Variants in NUDT22 observed in about 807,000 individuals in gnomAD.
NUDT22 encodes uridine diphosphate glucose pyrophosphatase NUDT22.
A neutral mutation model predicts 28.8 loss-of-function variants in NUDT22; 23 were observed. The observed-to-expected ratio is 0.80, with a 90% CI of 0.58 to 1.13. The LOEUF (loss-of-function observed/expected upper bound fraction) is 1.13, where lower values mean the gene tolerates loss of function less well. NUDT22 is among the 50% of genes most tolerant of loss of function. The pLI is 0.00. For synonymous variants in NUDT22, 175 were observed against 173.7 expected (o/e 1.01, Z -0.06); for missense variants, 358 against 387.3 (o/e 0.92, Z 0.64).
Position 64,226,837 on chromosome 11 carries a change from G to C in NUDT22, c.185G>C (p.Arg62Pro). The change falls in exon 2 of 6, where the codon CGC becomes CCC. Residue 62 changes from arginine to proline, a missense_variant. Arg to Pro is a moderately radical substitution (Grantham distance 103, BLOSUM62 -2). Transcript: ENST00000279206. ...TGGCTCTTCGACGCCCCCAAGTTCC[G>C]CCTGCACTCAGCCACCCTGGCGCCT... ...QPWLFDAPKF[R>P]LHSATLAPIG... 6.2e-7 allele frequency: 1 copy of C among 1,608,896 alleles called. No homozygotes were observed. The highest frequency in any genetic ancestry group is 8.5e-7 in the Non-Finnish European group (1 of 1,179,932).
At chr11:64,227,954 C>T (rs1947090400) in intron 3 of NUDT22, 1 of 335,254 alleles carries the variant, frequency 3.0e-6, no homozygotes, top group Non-Finnish European at 5.6e-6. Flanking sequence ...ACTGCAAGCT[C>T]CACCTCCCGG....
Position 64,226,390 on chromosome 11 carries a change from T to G in NUDT22, c.-56T>G, listed in dbSNP as rs1947019230. ...GGCAGACCCCTGGGTTTGGGGGACA[T>G]GGGCATTTGGGGCGCCTGAACCCAA... On this transcript the variant is annotated 5_prime_UTR_variant, in exon 1 of 6. An upstream start codon of the reference 5' UTR is lost. Transcript: ENST00000279206. 7.7e-7 allele frequency: 1 copy of G among 1,304,044 alleles called. No homozygotes were observed. The highest frequency in any genetic ancestry group is 3.7e-5 in the Admixed American group (1 of 26,938). 80.8% of individuals were successfully genotyped at this position (1,304,044 alleles called of 1,614,324 possible). A position where few individuals can be genotyped will look rare whatever the true frequency, so the allele number is the denominator to read the frequency against.
chr11:64,228,036 A>AT (rs529927601), intron 3 of NUDT22: 185 of 214,788 alleles, frequency 8.6e-4, no homozygotes, highest in South Asian at 8.5e-3. Flanking sequence ...TGCCTGGCTA[A>AT]TTTTTTTTGT....
chr11:64,226,501 C>A, intron 1 of NUDT22, 74 bp downstream of exon 1: 1 of 1,470,486 alleles, frequency 6.8e-7, no homozygotes, highest in South Asian at 1.4e-5. Context: ...CGTTTTACTG[C>A]CCAAGGAGTG....
chr11:64,229,925 A>C lies in NUDT22; in HGVS notation c.847A>C (p.Asn283His). ...PSAKGAIILY[N>H]RVQGSPTGAA... ...GGCCAAAGGCGCCATCATCCTCTAC[A>C]ACCGGGTTCAGGGAAGTCCCACTGG... The change falls in exon 6 of 6, where the codon AAC becomes CAC. Residue 283 changes from asparagine (N) to histidine (H), a missense_variant. Coordinates refer to ENST00000279206, the MANE Select transcript of NUDT22 (RefSeq NM_032344.4). The C allele has an allele frequency of 1.9e-6, 3 of 1,613,138 alleles. No homozygotes were observed. The highest frequency in any genetic ancestry group is 2.5e-6 in the Non-Finnish European group (3 of 1,179,970).
In NUDT22 at chr11:64,229,575, C is replaced by T; in HGVS notation, c.771+4C>T. ...AATCTTCTTTGTGGAGACACAGGTG[C>T]AGAGTGACAAACCATCTTGCTTGGA... On this transcript the variant is annotated splice_donor_region_variant and intron_variant, in intron 5 of 5. Coordinates refer to ENST00000279206, the MANE Select transcript of NUDT22 (RefSeq NM_032344.4). 6.2e-7 allele frequency: 1 copy of T among 1,613,334 alleles called. No homozygotes were observed. The highest frequency in any genetic ancestry group is 8.5e-7 in the Non-Finnish European group (1 of 1,179,288).
Position 64,226,425 on chromosome 11 carries a change from A to T in NUDT22, c.-21A>T. 2.9e-6 allele frequency: 4 copies of T among 1,376,320 alleles called. No homozygotes were observed. The highest frequency in any genetic ancestry group is 3.7e-6 in the Non-Finnish European group (4 of 1,071,640). The allele number at this position is 1,376,320 out of a possible 1,614,324, so 85.3% of individuals were successfully genotyped here. ...GGGCGCCTGAACCCAAGACCTCTGG[A>T]TGGTAGGGATGCCCGGGCGTCCTGG... On this transcript the variant is annotated splice_region_variant and 5_prime_UTR_variant, in exon 1 of 6. It removes an upstream start codon present in the reference 5' UTR. Transcript: ENST00000279206.
chr11:64,227,035 C>A lies in NUDT22; in HGVS notation c.383C>A (p.Ala128Asp), dbSNP rs1299791530. The A allele has an allele frequency of 1.9e-6, 3 of 1,603,492 alleles. No homozygotes were observed. The highest frequency in any genetic ancestry group is 2.7e-5 in the African/African-American group (2 of 74,922). ...CCACTGGGGGTGGGCGCTGCACTAG[C>A]CACAGCCGATGACTTCCTTGTCTTC... ...ADPLGVGAAL[A>D]TADDFLVFLR... Residue 128 changes from alanine to aspartate, a missense_variant, in exon 2 of 6, where the codon GCC becomes GAC. Ala to Asp is a moderately radical substitution (Grantham distance 126). Coordinates refer to ENST00000279206, the MANE Select transcript of NUDT22 (RefSeq NM_032344.4).
intron 3 of NUDT22, 131 bp downstream of exon 3, chr11:64,227,797 G>T: frequency 1.5e-6 from 1 of 680,396 alleles, no homozygotes; most frequent in East Asian, 2.6e-5. Flanking sequence ...AGTTGGCTTT[G>T]CAGCTATACA....
chr11:64,229,204 C>T, intron 3 of NUDT22, 43 bp from the exon 4 acceptor site: 2 of 1,368,052 alleles, frequency 1.5e-6, no homozygotes, highest in Non-Finnish European at 2.0e-6. Context: ...TGGGCAGTGG[C>T]ATTGATAGGT....
At chr11:64,227,744 C>T (rs568280913) in intron 3 of NUDT22, 78 bp downstream of exon 3, 1 of 1,215,176 alleles carries the variant, frequency 8.2e-7, no homozygotes, top group African/African-American at 1.5e-5. Context: ...CAGGTCTGGG[C>T]TGGCAGGAGG....
chr11:64,229,668 A>G, intron 5 of NUDT22, 97 bp downstream of exon 5: 1 of 1,380,120 alleles, frequency 7.2e-7, no homozygotes, highest in Non-Finnish European at 1.0e-6. Context: ...GCTGGGTCAC[A>G]ATTCCCTCCA....
At chr11:64,227,753 G>T in intron 3 of NUDT22, 87 bp downstream of exon 3, 2 of 1,062,798 alleles carry the variant, frequency 1.9e-6, no homozygotes, top group South Asian at 1.3e-5. Context: ...GCTGGCAGGA[G>T]GCCTGCAGGC....
At chr11:64,228,538 C>T (rs1947110470) in intron 3 of NUDT22, 1 of 152,134 alleles carries the variant, frequency 6.6e-6, no homozygotes, top group African/African-American at 2.4e-5. Flanking sequence ...GTGGCGGGCA[C>T]CTGTAGTCCC....
chr11:64,227,415 G>C, intron 2 of NUDT22, 153 bp from the exon 3 acceptor site: 1 of 743,492 alleles, frequency 1.3e-6, no homozygotes, highest in East Asian at 2.6e-5. Flanking sequence ...ACCTCTGGTT[G>C]TCTGTCAGGG....
Position 64,227,629 on chromosome 11 carries a change from A to G in NUDT22, c.542A>G (p.Glu181Gly). Reference sequence around the variant, plus strand: ...CTCGCTGGGCAGCTGGTGGTACATGAACTCTTTTCCAGTGTCCTTCAGGAG... The same window carrying G: ...CTCGCTGGGCAGCTGGTGGTACATGGACTCTTTTCCAGTGTCCTTCAGGAG... ...QDLAGQLVVH[E>G]LFSSVLQEIC... Residue 181 changes from glutamate (E) to glycine (G), a missense_variant, in exon 3 of 6, where the codon GAA becomes GGA. Coordinates refer to ENST00000279206, the MANE Select transcript of NUDT22 (RefSeq NM_032344.4). 6.2e-7 allele frequency: 1 copy of G among 1,614,056 alleles called. No homozygotes were observed.
Position 64,227,005 on chromosome 11 carries a change from C to A in NUDT22, c.353C>A (p.Ala118Glu), listed in dbSNP as rs757190729. 3.1e-6 allele frequency: 5 copies of A among 1,602,996 alleles called. No individual in the cohort carries two copies. The East Asian group carries it at 1.1e-4, about 36-fold the overall frequency. Residue 118 changes from alanine (A) to glutamate (E), a missense_variant, in exon 2 of 6, where the codon GCG becomes GAG. Coordinates refer to ENST00000279206, the MANE Select transcript of NUDT22 (RefSeq NM_032344.4). Reference protein sequence around the residue: ...TDWGDTQAYLADPLGVGAALA... With the variant: ...TDWGDTQAYLEDPLGVGAALA... ...TGGGGTGACACGCAGGCCTATCTGG[C>A]GGACCCACTGGGGGTGGGCGCTGCA... is the stretch of plus-strand genomic sequence containing the variant.
Position 64,227,628 on chromosome 11 carries a change from G to A in NUDT22, c.541G>A (p.Glu181Lys). 4 of 1,614,130 alleles carry A rather than the reference G, an allele frequency of 2.5e-6. No individual in the cohort carries two copies. The highest frequency in any genetic ancestry group is 3.4e-6 in the Non-Finnish European group (4 of 1,180,008). The change falls in exon 3 of 6, where the codon GAA becomes AAA. Residue 181 changes from glutamate (E) to lysine (K), a missense_variant. Physicochemically the swap from Glu to Lys is moderately conservative, Grantham distance 56 (BLOSUM62 1). Transcript: ENST00000279206. The part of the protein sequence containing the change: ...QDLAGQLVVH[E>K]LFSSVLQEIC... The stretch of plus-strand genomic sequence containing the variant: ...CCTCGCTGGGCAGCTGGTGGTACAT[G>A]AACTCTTTTCCAGTGTCCTTCAGGA...
intron 3 of NUDT22, among the ~76,000 whole-genome samples, chr11:64,228,166 AGGCC>A (rs1947099099): frequency 7.0e-6 from 1 of 143,004 alleles, no homozygotes; most frequent in African/African-American, 2.6e-5. Context: ...CCACTGCACC[AGGCC>A]GGATTCTTCT....
Sources: allele counts gnomAD v4.1 joint callset (sites outside exome capture counted in the v4.1 genomes callset), GRCh38; gene constraint gnomAD v4.1.1; transcripts MANE v1.5; gene names NCBI Gene and HGNC (gene_info 2026-07-23, HGNC 2026-07-21).